The following BOD1L1 variants were observed in gnomAD, a reference collection of about 807,000 sequenced individuals.
The protein encoded by BOD1L1 is biorientation of chromosomes in cell division 1 like 1.
Under a neutral mutation model 240.7 loss-of-function variants are expected in BOD1L1, and 86 were observed. The observed-to-expected ratio is 0.36, with a 90% CI of 0.30 to 0.43. The LOEUF (loss-of-function observed/expected upper bound fraction) is 0.43, where lower values mean the gene tolerates loss of function less well. Among genes scored for constraint, BOD1L1 ranks in the 20% least tolerant of loss-of-function variants. The pLI, the probability that BOD1L1 is intolerant of heterozygous loss-of-function variation, is 1.00. For synonymous variants in BOD1L1, 1,268 were observed against 1,272.3 expected, an observed-to-expected ratio of 1.00 and a Z score of 0.07; for missense variants, 3,554 against 3,643.5, an observed-to-expected ratio of 0.98 and a Z score of 0.63.
At chr4:13,595,771 C>T in intron 12 of BOD1L1, 89 bp downstream of exon 12, 1 of 955,320 alleles carries the variant, frequency 1.0e-6, no homozygotes, top group Non-Finnish European at 1.6e-6. Context: ...CTGTATGTTA[C>T]TATGCATCAG....
chr4:13,603,424 G>C lies in BOD1L1; in HGVS notation c.3476C>G (p.Ser1159Cys). 1.2e-6 allele frequency: 2 copies of C among 1,613,550 alleles called. No homozygotes were observed. The highest frequency in any genetic ancestry group is 1.7e-6 in the Non-Finnish European group (2 of 1,179,798). Residue 1159 changes from serine (S) to cysteine (C), a missense_variant, in exon 10 of 26, where the codon TCT becomes TGT. By Grantham distance (112) the Ser-to-Cys change is moderately radical. Around this residue, in one of 2 missense-constraint regions of BOD1L1, gnomAD observed 3,393 missense variants for 3,427.1 expected, o/e 0.99. Coordinates refer to ENST00000040738, the MANE Select transcript of BOD1L1 (RefSeq NM_148894.3). ...IDSENMKQKT[S>C]ATVQKDELRT... ...CAATTCATCCTTTTGAACAGTGGCA[G>C]AAGTTTTTTGTTTCATATTTTCAGA... is the stretch of plus-strand genomic sequence containing the variant.
chr4:13,571,894 C>T (rs920917976), intron 25 of BOD1L1, among the ~76,000 whole-genome samples: 2 of 152,210 alleles, frequency 1.3e-5, no homozygotes, highest in African/African-American at 4.8e-5. Context: ...CTGCCTGGCA[C>T]TATAGTTTGC....
rs1228939750 is a variant in BOD1L1 at position 13,614,575 on chromosome 4, G to C, written c.795C>G (p.Asp265Glu). Residue 265 changes from aspartate (D) to glutamate (E), a missense_variant, in exon 4 of 26, where the codon GAC becomes GAG. By Grantham distance (45) the Asp-to-Glu change is conservative. This residue lies in a region of BOD1L1 where 3,393 missense variants were observed against 3,427.1 expected (regional missense o/e 0.99). Coordinates refer to ENST00000040738, the MANE Select transcript of BOD1L1 (RefSeq NM_148894.3). ...DMADKEKSTA[D>E]SGGEGLETAP... ...CTGTTTCCAGTCCTTCACCTCCAGA[G>C]TCAGCTGTAGATTTTTCTTTATCAG... 2 of 1,613,822 alleles carry C rather than the reference G, an allele frequency of 1.2e-6. No homozygotes were observed. The highest frequency in any genetic ancestry group is 2.7e-5 in the African/African-American group (2 of 74,914).
chr4:13,602,845 A>G lies in BOD1L1; in HGVS notation c.4055T>C (p.Val1352Ala). 6.2e-7 allele frequency: 1 copy of G among 1,614,006 alleles called. No homozygotes were observed. ...DSKEGGEGFTVDTPAKASITS... is the reference protein window; with the variant it reads ...DSKEGGEGFTADTPAKASITS... The stretch of plus-strand genomic sequence containing the variant: ...GATGCTTGCTTTTGCTGGTGTATCT[A>G]CTGTGAAACCTTCACCACCTTCTTT... The change falls in exon 10 of 26, where the codon GTA (valine) becomes GCA (alanine). Residue 1352 changes from valine (V) to alanine (A), a missense_variant. Physicochemically the swap from Val to Ala is moderately conservative, Grantham distance 64 (BLOSUM62 0). Transcript: ENST00000040738.
At chr4:13,616,418 A>G (rs1716597874) in intron 2 of BOD1L1, among the ~76,000 whole-genome samples, 1 of 152,258 alleles carries the variant, frequency 6.6e-6, no homozygotes, top group African/African-American at 2.4e-5. Context: ...GAAATATCAT[A>G]TACAAGAGAC....
chr4:13,579,964 A>G lies in BOD1L1; in HGVS notation c.8713T>C (p.Ser2905Pro). The change falls in exon 22 of 26, where the codon TCT becomes CCT. Residue 2905 changes from serine (S) to proline (P), a missense_variant. Around this residue, in one of 2 missense-constraint regions of BOD1L1, gnomAD observed 3,393 missense variants for 3,427.1 expected, o/e 0.99. Coordinates refer to ENST00000040738, the MANE Select transcript of BOD1L1 (RefSeq NM_148894.3). ...ACTTTCAGTTTGCTGCTAGATGGAGATTGTTCTACCTATGTTTAAATAAAC... is the reference window on the plus strand; with the variant it reads ...ACTTTCAGTTTGCTGCTAGATGGAGGTTGTTCTACCTATGTTTAAATAAAC... ...TDTGIVTVEQ[S>P]PSSSKLKVMQ... The G allele has an allele frequency of 6.4e-7, 1 of 1,557,492 alleles. No homozygotes were observed. Among genetic ancestry groups the G allele is most frequent in the South Asian group, 1.2e-5 (1 of 84,404 alleles).
intron 8 of BOD1L1, among the ~76,000 whole-genome samples, chr4:13,607,434 G>A (rs1264290471): frequency 6.6e-6 from 1 of 152,162 alleles, no homozygotes; most frequent in Non-Finnish European, 1.5e-5. Flanking sequence ...AAGTAGCTGG[G>A]ATTACAGGCA....
At chr4:13,608,770 A>G in intron 7 of BOD1L1, 102 bp from the exon 8 acceptor site, 1 of 949,146 alleles carries the variant, frequency 1.1e-6, no homozygotes, top group Non-Finnish European at 1.4e-6. Flanking sequence ...TAAAGCCAAA[A>G]TGGCTTTAAT....
In BOD1L1 at chr4:13,587,789, T is replaced by G; in HGVS notation, c.8281-18A>C. 6.7e-7 allele frequency: 1 copy of G among 1,491,032 alleles called. No individual in the cohort carries two copies. The highest frequency in any genetic ancestry group is 9.2e-7 in the Non-Finnish European group (1 of 1,090,898). 92.4% of individuals were successfully genotyped at this position (1,491,032 alleles called of 1,614,324 possible). On this transcript the variant is annotated intron_variant, in intron 15 of 25. Transcript: ENST00000040738. Reference sequence around the variant, plus strand: ...TCTTCAACCTGGAATTAAGAATGACTATATCAAAGGCCATAGAATCTTGAT... The same window carrying G: ...TCTTCAACCTGGAATTAAGAATGACGATATCAAAGGCCATAGAATCTTGAT...
Position 13,603,599 on chromosome 4 carries a change from A to T in BOD1L1, c.3301T>A (p.Ser1101Thr). The T allele has an allele frequency of 6.2e-7, 1 of 1,613,948 alleles. No homozygotes were observed. Among genetic ancestry groups the T allele is most frequent in the Non-Finnish European group, 8.5e-7 (1 of 1,179,890 alleles). The change falls in exon 10 of 26, where the codon TCC (serine) becomes ACC (threonine). Residue 1101 changes from serine to threonine, a missense_variant. By Grantham distance (58) the Ser-to-Thr change is moderately conservative. Transcript: ENST00000040738. Reference protein sequence around the residue: ...ANTLSTPSGSSLQRPKKSGDM... With the variant: ...ANTLSTPSGSTLQRPKKSGDM... The stretch of plus-strand genomic sequence containing the variant: ...CCACTCTTTTTTGGTCTCTGAAGGG[A>T]GGAACCGCTGGGAGTGCTCAAAGTG...
chr4:13,577,376 C>G, intron 24 of BOD1L1, 27 bp downstream of exon 24: 1 of 1,601,412 alleles, frequency 6.2e-7, no homozygotes, highest in Non-Finnish European at 8.5e-7. Flanking sequence ...AACAATAAGA[C>G]TTATTAAGAA....
At position 13,587,705 on chromosome 4, in the gene BOD1L1, C is replaced by T; in HGVS notation, c.8347G>A (p.Glu2783Lys). ...RKQHYLSSED[E>K]PDDNPDVLDS... ...GAAACATAAATATAAATACCTGGTT[C>T]ATCTTCTGAAGAGAGATAATGCTGC... Residue 2783 changes from glutamate (E) to lysine (K), a missense_variant, in exon 16 of 26, where the codon GAA becomes AAA. Around this residue, in one of 2 missense-constraint regions of BOD1L1, gnomAD observed 3,393 missense variants for 3,427.1 expected, o/e 0.99. Transcript: ENST00000040738. 1 of 1,549,288 alleles carries T rather than the reference C, an allele frequency of 6.5e-7. No individual in the cohort carries two copies. The highest frequency in any genetic ancestry group is 8.8e-7 in the Non-Finnish European group (1 of 1,141,284).
Position 13,625,360 on chromosome 4 carries a change from T to G in BOD1L1, c.243+1985A>C, listed in dbSNP as rs376625802. The G allele has an allele frequency of 2.0e-4, 31 of 152,352 alleles. No homozygotes were observed. In the South Asian group the frequency reaches 2.7e-3, roughly 13 times the overall value. 9.4% of individuals were successfully genotyped at this position (152,352 alleles called of 1,614,324 possible). On this transcript the variant is annotated intron_variant, in intron 1 of 25. Transcript: ENST00000040738. Reference sequence around the variant, plus strand: ...GTTTTAATGTGTTACTTGCGCATTTTTCTTGAGAGAAGGTCCTAACTTTCA... The same window carrying G: ...GTTTTAATGTGTTACTTGCGCATTTGTCTTGAGAGAAGGTCCTAACTTTCA...
At chr4:13,573,712 T>A (rs1712449436) in intron 25 of BOD1L1, among the ~76,000 whole-genome samples, 1 of 152,126 alleles carries the variant, frequency 6.6e-6, no homozygotes, top group South Asian at 2.1e-4. Flanking sequence ...TTAGTAGAGA[T>A]GAGGTTTCAC....
At chr4:13,577,719 C>T in intron 22 of BOD1L1, 88 bp from the exon 23 acceptor site, 12 of 924,670 alleles carry the variant, frequency 1.3e-5, no homozygotes, top group Non-Finnish European at 2.0e-5. Flanking sequence ...GTCAATGTAT[C>T]AGTATTAATA....
At chr4:13,611,130 T>C in intron 5 of BOD1L1, 30 bp from the exon 6 acceptor site, 1 of 1,503,506 alleles carries the variant, frequency 6.7e-7, no homozygotes, top group Non-Finnish European at 9.1e-7. Flanking sequence ...AAGAGGAGTA[T>C]GTCTGTGAAT....
chr4:13,609,719 G>C (rs1247572565), intron 6 of BOD1L1, among the ~76,000 whole-genome samples: 2 of 152,112 alleles, frequency 1.3e-5, no homozygotes, highest in African/African-American at 4.8e-5. Flanking sequence ...AAATAAGCTG[G>C]TTGTTTCAAT....
At chr4:13,614,940 G>C in intron 3 of BOD1L1, 130 bp from the exon 4 acceptor site, 5 of 1,012,994 alleles carry the variant, frequency 4.9e-6, no homozygotes, top group Non-Finnish European at 7.0e-6. Flanking sequence ...TATTCTTTTA[G>C]ACTTTCAGGT....
rs374545494 is a variant in BOD1L1, at chr4:13,601,882, A to C, written c.5018T>G (p.Ile1673Arg). ...CDGSLSRDSE[I>R]VEGTITFISE... ...AATAAAAGTAATAGTTCCTTCAACT[A>C]TTTCTGAGTCTCTACTTAAAGAACC... The change falls in exon 10 of 26, where the codon ATA (isoleucine) becomes AGA (arginine). Residue 1673 changes from isoleucine (I) to arginine (R), a missense_variant. By Grantham distance (97) the Ile-to-Arg change is moderately conservative. Coordinates refer to ENST00000040738, the MANE Select transcript of BOD1L1 (RefSeq NM_148894.3). 6.2e-7 allele frequency: 1 copy of C among 1,613,990 alleles called. No individual in the cohort carries two copies.
Sources: allele counts gnomAD v4.1 joint callset (sites outside exome capture counted in the v4.1 genomes callset), GRCh38; gene constraint gnomAD v4.1.1; regional missense constraint gnomAD v4.1.1; transcripts MANE v1.5; gene names NCBI Gene and HGNC (gene_info 2026-07-23, HGNC 2026-07-21).